The following SLC8A1 variants were observed in gnomAD, a reference collection of about 807,000 sequenced individuals.
SLC8A1 encodes the protein solute carrier family 8 member A1.
Under a neutral mutation model 68.3 loss-of-function variants are expected in SLC8A1, and 18 were observed. The ratio of observed to expected loss-of-function variants is 0.26; its 90% confidence interval spans 0.18 to 0.39. The LOEUF (loss-of-function observed/expected upper bound fraction) is 0.39, where lower values mean the gene tolerates loss of function less well. SLC8A1 is among the 10% of genes least tolerant of loss of function. The pLI is 1.00. For synonymous variants in SLC8A1, 475 were observed against 415.5 expected, an observed-to-expected ratio of 1.14 and a Z score of -1.74; for missense variants, 985 against 1,156.7, an observed-to-expected ratio of 0.85 and a Z score of 2.15.
chr2:40,498,620 A>G (rs1022076232), intron 1 of SLC8A1, among the ~76,000 whole-genome samples: 5 of 152,142 alleles, frequency 3.3e-5, no homozygotes, highest in African/African-American at 1.2e-4. Context: ...AATTTAATGT[A>G]ATCCTTCCTA....
chr2:40,488,658 G>T (rs542659629), intron 1 of SLC8A1, among the ~76,000 whole-genome samples: 1 of 152,088 alleles, frequency 6.6e-6, no homozygotes, highest in South Asian at 2.1e-4. Flanking sequence ...ACTAAGCCAC[G>T]AATCTCCTAA....
intron 3 of SLC8A1, chr2:40,175,971 G>A (rs1193010970): frequency 4.4e-6 from 2 of 449,952 alleles, no homozygotes; most frequent in South Asian, 3.1e-5. Flanking sequence ...TACATTATTA[G>A]ATAACCAGAA....
At chr2:40,375,847 C>G (rs569837894) in intron 2 of SLC8A1, among the ~76,000 whole-genome samples, 12 of 152,076 alleles carry the variant, frequency 7.9e-5, no homozygotes, top group African/African-American at 2.6e-4. Flanking sequence ...TATAAAAATA[C>G]AAAAATTAGC....
chr2:40,484,496 G>C lies in SLC8A1; in HGVS notation c.-25+27853C>G, dbSNP rs192806577. On this transcript the variant is annotated intron_variant, in intron 1 of 7. Coordinates refer to the SLC8A1 transcript ENST00000402441. ...GATTATGTTTATGTATCCTTTTCAG[G>C]GAGGCCTTTCCTGATGATTCCGCAT... is the stretch of plus-strand genomic sequence containing the variant. Among the ~76,000 whole-genome samples the C allele has an allele frequency of 2.1e-3, 326 of 152,264 alleles. 2 individuals carry two copies. The highest frequency in any genetic ancestry group is 7.4e-3 in the African/African-American group (306 of 41,538).
intron 2 of SLC8A1, among the ~76,000 whole-genome samples, chr2:40,278,846 G>C (rs1183290783): frequency 6.6e-6 from 1 of 151,844 alleles, no homozygotes; most frequent in East Asian, 1.9e-4. Flanking sequence ...ATTTAAATCA[G>C]TATTATTTAT....
intron 1 of SLC8A1, among the ~76,000 whole-genome samples, chr2:40,443,155 G>A (rs1240013419): frequency 1.3e-5 from 2 of 152,088 alleles, no homozygotes; most frequent in Admixed American, 1.3e-4. Flanking sequence ...CCTAACGCAT[G>A]CAGAGCTTAA....
At chr2:40,482,131 T>C (rs1704669083) in intron 1 of SLC8A1, among the ~76,000 whole-genome samples, 1 of 152,206 alleles carries the variant, frequency 6.6e-6, no homozygotes, top group South Asian at 2.1e-4. Context: ...AACAAACTTT[T>C]AAGCGTGCAA....
At chr2:40,211,350 T>G (rs575331332) in intron 2 of SLC8A1, among the ~76,000 whole-genome samples, 200 of 152,320 alleles carry the variant, frequency 1.3e-3, no homozygotes, top group Non-Finnish European at 2.4e-3. Context: ...GAGAAGCCAG[T>G]AGGACTTCAA....
At chr2:40,175,178 G>A (rs1222459708) in intron 3 of SLC8A1, 83 bp downstream of exon 4, 3 of 1,363,218 alleles carry the variant, frequency 2.2e-6, no homozygotes, top group Admixed American at 1.8e-5. Flanking sequence ...AGAAATAAAA[G>A]TCACAGAGCT....
chr2:40,164,398 G>A (rs1433295233), intron 5 of SLC8A1, among the ~76,000 whole-genome samples: 1 of 152,174 alleles, frequency 6.6e-6, no homozygotes, highest in Non-Finnish European at 1.5e-5. Flanking sequence ...ATGAGAGCTT[G>A]TCAATGGGAT....
chr2:40,486,059 C>T (rs565770420), intron 1 of SLC8A1, among the ~76,000 whole-genome samples: 1 of 152,120 alleles, frequency 6.6e-6, no homozygotes, highest in Admixed American at 6.6e-5. Flanking sequence ...GGAGCAGTTA[C>T]CTTCATGCTG....
At chr2:40,335,227 A>C (rs1175899437) in intron 2 of SLC8A1, among the ~76,000 whole-genome samples, 1 of 152,244 alleles carries the variant, frequency 6.6e-6, no homozygotes, top group African/African-American at 2.4e-5. Flanking sequence ...TCATTTTAGA[A>C]ATTTAAATAA....
chr2:40,161,270 C>T (rs907565541), intron 5 of SLC8A1, among the ~76,000 whole-genome samples: 2 of 152,118 alleles, frequency 1.3e-5, no homozygotes, highest in Non-Finnish European at 2.9e-5. Flanking sequence ...CCGGAAGTGA[C>T]AGATTATGGA....
intron 1 of SLC8A1, among the ~76,000 whole-genome samples, chr2:40,505,933 G>A (rs564778517): frequency 6.6e-6 from 1 of 151,998 alleles, no homozygotes; most frequent in East Asian, 1.9e-4. Context: ...GTACTGAGAG[G>A]TTAGGGAGCA....
At chr2:40,116,083 C>T (rs559465362) in intron 7 of SLC8A1, among the ~76,000 whole-genome samples, 6 of 152,214 alleles carry the variant, frequency 3.9e-5, no homozygotes, top group Middle Eastern at 3.4e-3. Flanking sequence ...ACTAAAGTTT[C>T]GGAACAGCTG....
chr2:40,275,783 G>A (rs1024838242), intron 2 of SLC8A1, among the ~76,000 whole-genome samples: 2 of 152,136 alleles, frequency 1.3e-5, no homozygotes, highest in Admixed American at 1.3e-4. Flanking sequence ...ATGAGGCAGG[G>A]CACAAGGCAG....
chr2:40,320,932 C>G (rs1305464735), intron 2 of SLC8A1, among the ~76,000 whole-genome samples: 3 of 152,122 alleles, frequency 2.0e-5, no homozygotes, highest in African/African-American at 2.4e-5. Flanking sequence ...TATCCCTTCA[C>G]TCCAATAGCC....
chr2:40,178,338 C>T, intron 2 of SLC8A1, 49 bp downstream of exon 3: 2 of 1,427,760 alleles, frequency 1.4e-6, no homozygotes, highest in Non-Finnish European at 2.0e-6. Context: ...CCAGGGGTGG[C>T]ACAGGCCAGC....
intron 1 of SLC8A1, among the ~76,000 whole-genome samples, chr2:40,477,425 C>T (rs1704357284): frequency 6.6e-6 from 1 of 152,108 alleles, no homozygotes; most frequent in African/African-American, 2.4e-5. Context: ...TCTCCCAGCC[C>T]CCTCCCTATT....
Sources: gnomAD v4.1 joint callset for allele counts (sites outside exome capture counted in the v4.1 genomes callset) on GRCh38, gnomAD v4.1.1 for gene constraint, MANE v1.5 for transcripts, NCBI Gene and HGNC (gene_info 2026-07-23, HGNC 2026-07-21) for gene names.